RANBP2: variants seen among roughly 807,000 people sequenced by gnomAD.
RANBP2 encodes the protein RAN binding protein 2.
RANBP2 carries 57 observed loss-of-function variants against 303.6 expected under a neutral mutation model. The observed-to-expected ratio is 0.19, with a 90% CI of 0.15 to 0.23. The LOEUF (loss-of-function observed/expected upper bound fraction) is 0.23, where lower values mean the gene tolerates loss of function less well. Ranked by LOEUF, RANBP2 falls within the 10% of genes least tolerant of loss-of-function variation. The pLI is 1.00. For synonymous variants in RANBP2, 1,167 were observed against 1,301.5 expected (o/e 0.90, Z 2.23); for missense variants, 3,138 against 3,780.8 (o/e 0.83, Z 4.46).
Position 108,782,785 on chromosome 2 carries a change from G to A in RANBP2, c.9292G>A (p.Ala3098Thr). 6.2e-7 allele frequency: 1 copy of A among 1,614,166 alleles called. No individual in the cohort carries two copies. Among genetic ancestry groups the A allele is most frequent in the South Asian group, 1.1e-5 (1 of 91,084 alleles). The change falls in exon 28 of 29, where the codon GCA becomes ACA. Residue 3098 changes from alanine (A) to threonine (T), a missense_variant. Physicochemically the swap from Ala to Thr is moderately conservative, Grantham distance 58. This residue lies in a region of RANBP2 where 204 missense variants were observed against 228.4 expected (regional missense o/e 0.89). Transcript: ENST00000283195. ...IVPRTAENFR[A>T]LCTGEKGFGF... is the part of the protein sequence containing the mutation. ...TCCTCGGACTGCTGAGAACTTCAGA[G>A]CACTATGCACTGGAGAGAAAGGCTT... is the stretch of plus-strand genomic sequence containing the variant.
At chr2:109,696,253 A>G in the RANBP2 span, among the ~76,000 whole-genome samples, 1 of 152,182 alleles carries the variant, frequency 6.6e-6, no homozygotes, top group African/African-American at 2.4e-5. Flanking sequence ...ATGAGCCACC[A>G]TGCCCAACCA....
chr2:109,615,625 C>A, the RANBP2 span: 2 of 1,613,750 alleles, frequency 1.2e-6, no homozygotes, highest in Admixed American at 1.7e-5. Flanking sequence ...AAAAAGGCCT[C>A]CCAGTACCTG....
chr2:109,056,793 T>G, the RANBP2 span, among the ~76,000 whole-genome samples: 1 of 152,208 alleles, frequency 6.6e-6, no homozygotes, highest in Non-Finnish European at 1.5e-5. Context: ...TGACACACAG[T>G]AGGTACCTGT....
At chr2:109,734,178 C>CAAAA in the RANBP2 span, among the ~76,000 whole-genome samples, 3 of 135,364 alleles carry the variant, frequency 2.2e-5, no homozygotes, top group African/African-American at 8.3e-5. Context: ...GACTCCACCT[C>CAAAA]AAAAAAAAAA....
At chr2:109,074,525 C>G in the RANBP2 span, among the ~76,000 whole-genome samples, 1 of 150,204 alleles carries the variant, frequency 6.7e-6, no homozygotes, top group South Asian at 2.1e-4. Flanking sequence ...CATGATGAAG[C>G]CCCATCTCTA....
At chr2:109,107,215 G>A in the RANBP2 span, among the ~76,000 whole-genome samples, 2 of 144,688 alleles carry the variant, frequency 1.4e-5, no homozygotes, top group Non-Finnish European at 3.0e-5. Flanking sequence ...GTGAGCCACC[G>A]CACCCAGCCT....
chr2:108,965,176 T>C, the RANBP2 span, among the ~76,000 whole-genome samples: 4 of 152,128 alleles, frequency 2.6e-5, no homozygotes, highest in Non-Finnish European at 5.9e-5. Context: ...CATGATTATA[T>C]CTTTTAATGA....
the RANBP2 span, among the ~76,000 whole-genome samples, chr2:109,681,686 G>A: frequency 6.6e-6 from 1 of 152,234 alleles, no homozygotes; most frequent in South Asian, 2.1e-4. Flanking sequence ...TCAGGAGACA[G>A]CAGTGAGGCC....
At chr2:109,402,202 T>C in the RANBP2 span, among the ~76,000 whole-genome samples, 1 of 152,236 alleles carries the variant, frequency 6.6e-6, no homozygotes, top group East Asian at 1.9e-4. Context: ...CCTTCCTGGT[T>C]CCTACCACCT....
chr2:109,005,925 C>G, the RANBP2 span, among the ~76,000 whole-genome samples: 1 of 152,162 alleles, frequency 6.6e-6, no homozygotes, highest in Non-Finnish European at 1.5e-5. Context: ...CCCAGGGCTT[C>G]GGAGTCGTGG....
the RANBP2 span, among the ~76,000 whole-genome samples, chr2:109,533,198 A>G: frequency 6.6e-6 from 1 of 152,310 alleles, no homozygotes; most frequent in South Asian, 2.1e-4. Context: ...TGAAAAATCC[A>G]TATACCAATG....
the RANBP2 span, among the ~76,000 whole-genome samples, chr2:109,323,659 G>A: frequency 2.0e-5 from 3 of 152,184 alleles, no homozygotes; most frequent in Admixed American, 6.5e-5. Flanking sequence ...CTGTGTGTCC[G>A]CCAAGCTCCC....
intron 4 of RANBP2, among the ~76,000 whole-genome samples, chr2:108,732,211 T>C (rs1437565971): frequency 6.6e-6 from 1 of 152,198 alleles, no homozygotes; most frequent in Non-Finnish European, 1.5e-5. Flanking sequence ...AATTTTAATT[T>C]TGAAATAATT....
At chr2:109,603,966 C>T in the RANBP2 span, among the ~76,000 whole-genome samples, 1 of 151,310 alleles carries the variant, frequency 6.6e-6, no homozygotes, top group Non-Finnish European at 1.5e-5. Context: ...TCGAGACCAT[C>T]CTGGCTAACA....
the RANBP2 span, among the ~76,000 whole-genome samples, chr2:109,627,299 C>T: frequency 9.2e-5 from 14 of 152,278 alleles, no homozygotes; most frequent in African/African-American, 2.6e-4. Flanking sequence ...CGGGTTCAAG[C>T]GATTCTCCTG....
chr2:109,459,217 A>C, the RANBP2 span, among the ~76,000 whole-genome samples: 1 of 152,170 alleles, frequency 6.6e-6, no homozygotes, highest in African/African-American at 2.4e-5. Flanking sequence ...GAAGAAAACA[A>C]AGGTACTGCT....
the RANBP2 span, among the ~76,000 whole-genome samples, chr2:108,920,640 T>C: frequency 6.6e-6 from 1 of 152,326 alleles, no homozygotes; most frequent in South Asian, 2.1e-4. Flanking sequence ...CCAGGACTGA[T>C]CTGCAATCTG....
At chr2:109,587,035 A>T in the RANBP2 span, among the ~76,000 whole-genome samples, 1 of 152,230 alleles carries the variant, frequency 6.6e-6, no homozygotes, top group Non-Finnish European at 1.5e-5. Flanking sequence ...GTCAAGAAAG[A>T]AAGTCAACAG....
the RANBP2 span, among the ~76,000 whole-genome samples, chr2:109,116,850 G>A: frequency 7.4e-6 from 1 of 135,128 alleles, no homozygotes; most frequent in African/African-American, 2.5e-5. Flanking sequence ...CCTTTTAACA[G>A]ACAGGAACCT....
Sources: gnomAD v4.1 joint callset for allele counts (sites outside exome capture counted in the v4.1 genomes callset) on GRCh38, gnomAD v4.1.1 for gene constraint, gnomAD v4.1.1 regional missense constraint, MANE v1.5 for transcripts, NCBI Gene and HGNC (gene_info 2026-07-23, HGNC 2026-07-21) for gene names.